Variants in PTPN3 observed in about 807,000 individuals in gnomAD.
The protein encoded by PTPN3 is protein tyrosine phosphatase non-receptor type 3.
PTPN3 carries 96 observed loss-of-function variants against 132.7 expected under a neutral mutation model. That is an observed-to-expected ratio of 0.72 (90% CI 0.61 to 0.86). The LOEUF is 0.86. PTPN3 is among the 40% of genes least tolerant of loss of function. PTPN3 has a pLI of 0.00. For synonymous variants in PTPN3, 398 were observed against 429.0 expected, an observed-to-expected ratio of 0.93 and a Z score of 0.89; for missense variants, 1,125 against 1,159.6, an observed-to-expected ratio of 0.97 and a Z score of 0.43.
chr9:109,381,160 C>T (rs749435350), intron 25 of PTPN3, among the ~76,000 whole-genome samples: 2 of 152,182 alleles, frequency 1.3e-5, no homozygotes, highest in East Asian at 1.9e-4. Context: ...TTCACTGCCC[C>T]GCTTGCAGTT....
At position 109,457,155 on chromosome 9, in the gene PTPN3, T is replaced by C. The variant is rs1425656331; in HGVS notation, c.289+18A>G. 3 of 1,611,544 alleles carry C rather than the reference T, an allele frequency of 1.9e-6. No individual in the cohort carries two copies. The South Asian group carries it at 3.3e-5, about 18-fold the overall frequency. ...ACTAACACCTAATGTTCGACTGAAA[T>C]GAAAAGATCACACCAACCTTTTAAC... is the stretch of plus-strand genomic sequence containing the variant. On this transcript the variant is annotated intron_variant, in intron 4 of 25. Coordinates refer to ENST00000374541, the MANE Select transcript of PTPN3 (RefSeq NM_002829.4).
At chr9:109,502,369 T>A (rs1344753058), upstream of PTPN3, among the ~76,000 whole-genome samples, 1 of 152,232 alleles carries the variant, frequency 6.6e-6, no homozygotes, top group East Asian at 1.9e-4. Flanking sequence ...CAATTATTTG[T>A]GCTGTTAATG....
the PTPN3 span, among the ~76,000 whole-genome samples, chr9:109,535,608 G>T: frequency 2.0e-5 from 3 of 152,028 alleles, no homozygotes; most frequent in African/African-American, 7.2e-5. Context: ...CCAGGTTCAA[G>T]TGATTCTGGT....
intron 10 of PTPN3, among the ~76,000 whole-genome samples, chr9:109,430,543 G>GA (rs34551018): frequency 2.2e-3 from 333 of 150,382 alleles, no homozygotes; most frequent in African/African-American, 7.2e-3. Context: ...TCATTTATAA[G>GA]AAAAAAAAAA....
chr9:109,396,679 G>A lies in PTPN3; in HGVS notation c.1954-5118C>T, dbSNP rs573858651. On this transcript the variant is annotated intron_variant, in intron 19 of 25. Transcript: ENST00000374541. ...ATTATAAAAAGTTCGGCTAAGAGGGGTTGCTAAGGAACAACTGTATTGAAA... is the reference window on the plus strand; with the variant it reads ...ATTATAAAAAGTTCGGCTAAGAGGGATTGCTAAGGAACAACTGTATTGAAA... 2.6e-5 allele frequency among the ~76,000 whole-genome samples: 4 copies of A among 152,310 alleles called. No homozygotes were observed. The East Asian group carries it at 7.7e-4, about 29-fold the overall frequency.
intron 14 of PTPN3, among the ~76,000 whole-genome samples, chr9:109,413,803 C>T (rs189646379): frequency 5.4e-4 from 82 of 152,230 alleles, no homozygotes; most frequent in African/African-American, 1.9e-3. Context: ...CAAGTATTCA[C>T]CCTCCAGAAA....
chr9:109,445,201 C>T, intron 7 of PTPN3, 39 bp downstream of exon 7: 1 of 1,589,704 alleles, frequency 6.3e-7, no homozygotes, highest in Non-Finnish European at 8.6e-7. Context: ...CTGATCAGAA[C>T]AACCTGTCCA....
chr9:109,438,238 T>A lies in PTPN3; in HGVS notation c.467-4A>T. On this transcript the variant is annotated splice_region_variant and splice_polypyrimidine_tract_variant and intron_variant, in intron 7 of 25. Transcript: ENST00000374541. ...GAATTATAGTCTCCAAAATGAGCTA[T>A]CAAGACAGAAGAAGGGGAAAATCAT... 6.2e-7 allele frequency: 1 copy of A among 1,609,124 alleles called. No individual in the cohort carries two copies. The highest frequency in any genetic ancestry group is 8.5e-7 in the Non-Finnish European group (1 of 1,178,404).
intron 7 of PTPN3, among the ~76,000 whole-genome samples, chr9:109,444,558 G>T (rs1588438508): frequency 6.6e-6 from 1 of 152,186 alleles, no homozygotes; most frequent in East Asian, 1.9e-4. Flanking sequence ...AAAATATCTT[G>T]CTAATAACTT....
At chr9:109,439,359 G>T (rs898178422) in intron 7 of PTPN3, among the ~76,000 whole-genome samples, 2 of 145,944 alleles carry the variant, frequency 1.4e-5, no homozygotes, top group African/African-American at 5.3e-5. Flanking sequence ...ACAAAAAAAA[G>T]CTTCTACTTC....
intron 19 of PTPN3, among the ~76,000 whole-genome samples, chr9:109,401,243 TGGTTCC>T (rs1265036851): frequency 6.6e-6 from 1 of 152,184 alleles, no homozygotes; most frequent in Non-Finnish European, 1.5e-5. Context: ...TGCACAGCAG[TGGTTCC>T]GGTTGGGTCT....
At chr9:109,497,280 T>G (rs1847711368) in intron 1 of PTPN3, among the ~76,000 whole-genome samples, 1 of 152,146 alleles carries the variant, frequency 6.6e-6, no homozygotes, top group Non-Finnish European at 1.5e-5. Context: ...TCACGCCAAC[T>G]GCTTGCTAGC....
intron 1 of PTPN3, among the ~76,000 whole-genome samples, chr9:109,484,488 A>C (rs1386557721): frequency 2.0e-5 from 3 of 152,190 alleles, no homozygotes; most frequent in Non-Finnish European, 4.4e-5. Flanking sequence ...GGAGCTGAGG[A>C]TGGACATCTG....
intron 25 of PTPN3, 72 bp from the exon 26 acceptor site, chr9:109,379,705 G>A: frequency 3.1e-6 from 4 of 1,296,852 alleles, no homozygotes; most frequent in Non-Finnish European, 4.5e-6. Context: ...TGTACCGGTG[G>A]GTCTTTTGCA....
At chr9:109,453,845 TAAAAAA>T (rs11353536) in intron 5 of PTPN3, among the ~76,000 whole-genome samples, 1 of 135,690 alleles carries the variant, frequency 7.4e-6, no homozygotes. Context: ...CCATCTCCGT[TAAAAAA>T]AAAAAAAAAA....
intron 23 of PTPN3, 144 bp from the exon 24 acceptor site, chr9:109,382,591 C>T (rs937097148): frequency 1.0e-5 from 9 of 900,546 alleles, no homozygotes; most frequent in African/African-American, 1.7e-5. Flanking sequence ...CAATTCCTCC[C>T]CTCCTTCCCC....
the PTPN3 span, among the ~76,000 whole-genome samples, chr9:109,533,256 T>C: frequency 8.7e-5 from 13 of 149,840 alleles, no homozygotes; most frequent in East Asian, 2.6e-3. Flanking sequence ...GCCATTCTCC[T>C]GCCTCAGCCT....
At position 109,404,520 on chromosome 9, in the gene PTPN3, C is replaced by G; in HGVS notation, c.1881G>C (p.Gly627=). The change falls in exon 19 of 26, where the codon GGG becomes GGC. Residue 627 remains glycine (G), a synonymous_variant. Coordinates refer to ENST00000374541, the MANE Select transcript of PTPN3 (RefSeq NM_002829.4). Reference sequence around the variant, plus strand: ...GTGCCATGGATCCCTCCAAAGTGTCCCCACCCTCCGGACACATGGGGAAAA... The same window carrying G: ...GTGCCATGGATCCCTCCAAAGTGTCGCCACCCTCCGGACACATGGGGAAAA... The part of the protein sequence containing the change: ...EAIFPMCPEG[G]DTLEGSMAQL... 6.4e-7 allele frequency: 1 copy of G among 1,567,726 alleles called. No homozygotes were observed. Among genetic ancestry groups the G allele is most frequent in the Non-Finnish European group, 8.7e-7 (1 of 1,149,648 alleles).
At chr9:109,486,591 TAAGA>T (rs754218567) in intron 1 of PTPN3, among the ~76,000 whole-genome samples, 49 of 152,076 alleles carry the variant, frequency 3.2e-4, no homozygotes, top group Non-Finnish European at 6.5e-4. Flanking sequence ...AGGGCATTTT[TAAGA>T]AAGAAGGTGA....
Sources: allele counts gnomAD v4.1 joint callset (sites outside exome capture counted in the v4.1 genomes callset), GRCh38; gene constraint gnomAD v4.1.1; transcripts MANE v1.5; gene names NCBI Gene and HGNC (gene_info 2026-07-23, HGNC 2026-07-21).